Variants in SND1 observed in about 807,000 individuals in gnomAD.
SND1 encodes the protein staphylococcal nuclease domain-containing protein 1.
Under a neutral mutation model 121.7 loss-of-function variants are expected in SND1, and 38 were observed. The observed-to-expected ratio is 0.31, with a 90% confidence interval of 0.24 to 0.41. The LOEUF is 0.41. Among genes scored for constraint, SND1 ranks in the 10% least tolerant of loss-of-function variants. The probability of loss-of-function intolerance (pLI) is 1.00; values close to 1 mark genes in which losing one functional copy is unlikely to be tolerated. For missense variants in SND1, 868 were observed against 1,184.6 expected, an observed-to-expected ratio of 0.73 and a Z score of 3.92; for synonymous variants, 401 against 447.4, an observed-to-expected ratio of 0.90 and a Z score of 1.31.
At chr7:127,807,453 T>C (rs1376058083) in intron 10 of SND1, 31 bp from the exon 11 acceptor site, 1 of 1,551,320 alleles carries the variant, frequency 6.4e-7, no homozygotes. Context: ...ATATTGTTCA[T>C]TCCTGATGTC....
intron 11 of SND1, among the ~76,000 whole-genome samples, chr7:127,827,455 C>T (rs192061966): frequency 9.2e-5 from 14 of 152,262 alleles, no homozygotes; most frequent in Admixed American, 2.0e-4. Flanking sequence ...CAAAATACCC[C>T]TTTTCATAAT....
chr7:128,021,119 A>G (rs957654741), intron 16 of SND1, among the ~76,000 whole-genome samples: 3 of 152,226 alleles, frequency 2.0e-5, no homozygotes, highest in Non-Finnish European at 4.4e-5. Flanking sequence ...TTGGAAGAAT[A>G]TGCAGTCGTG....
intron 16 of SND1, among the ~76,000 whole-genome samples, chr7:128,035,204 C>G (rs1427013466): frequency 6.6e-6 from 1 of 152,172 alleles, no homozygotes; most frequent in African/African-American, 2.4e-5. Flanking sequence ...CTCTAAACAT[C>G]AGTTTTTCCA....
intron 12 of SND1, among the ~76,000 whole-genome samples, chr7:127,866,552 T>A (rs940941798): frequency 1.3e-5 from 2 of 152,182 alleles, no homozygotes; most frequent in African/African-American, 4.8e-5. Flanking sequence ...AGTTCTTTCC[T>A]TCTACTCTTG....
intron 16 of SND1, among the ~76,000 whole-genome samples, chr7:128,011,521 G>T (rs1225485367): frequency 6.6e-6 from 1 of 152,186 alleles, no homozygotes; most frequent in African/African-American, 2.4e-5. Flanking sequence ...GTGATCAGGG[G>T]CTAAAGGACA....
At chr7:127,890,206 A>G (rs1799984637) in intron 13 of SND1, among the ~76,000 whole-genome samples, 1 of 152,044 alleles carries the variant, frequency 6.6e-6, no homozygotes, top group Admixed American at 6.6e-5. Flanking sequence ...TGTCTTTTGG[A>G]TATAAGCCAT....
intron 12 of SND1, among the ~76,000 whole-genome samples, chr7:127,867,713 A>G (rs1444024906): frequency 6.6e-6 from 1 of 151,870 alleles, no homozygotes; most frequent in Non-Finnish European, 1.5e-5. Flanking sequence ...TAGCCTCTCT[A>G]TTTCTAGTCT....
At chr7:127,769,139 G>T (rs1158491923) in intron 10 of SND1, among the ~76,000 whole-genome samples, 1 of 152,238 alleles carries the variant, frequency 6.6e-6, no homozygotes, top group Non-Finnish European at 1.5e-5. Flanking sequence ...ACTGGGGATA[G>T]TGAGGTCTTG....
chr7:127,766,771 C>CAAAAAAAAAAAAAAAAAAAAAAAA (rs59243807), intron 10 of SND1, among the ~76,000 whole-genome samples: 1 of 33,202 alleles, frequency 3.0e-5, no homozygotes, highest in African/African-American at 8.8e-5. Flanking sequence ...GACTTTGTCT[C>CAAAAAAAAAAAAAAAAAAAAAAAA]AAAAAAAAAA....
At chr7:127,786,726 C>T (rs960203478) in intron 10 of SND1, among the ~76,000 whole-genome samples, 3 of 152,172 alleles carry the variant, frequency 2.0e-5, no homozygotes, top group African/African-American at 4.8e-5. Flanking sequence ...TCACTGCTAG[C>T]TCCGCCTCCC....
chr7:127,689,313 A>C (rs1302352390), intron 2 of SND1, among the ~76,000 whole-genome samples: 1 of 152,242 alleles, frequency 6.6e-6, no homozygotes, highest in Non-Finnish European at 1.5e-5. Context: ...GGGCATTAAC[A>C]AATGGGTGAA....
intron 16 of SND1, among the ~76,000 whole-genome samples, chr7:128,012,317 G>A (rs181366541): frequency 1.5e-4 from 23 of 152,230 alleles, no homozygotes; most frequent in Admixed American, 8.5e-4. Context: ...CACTGTAACC[G>A]CCCTGAGAGC....
intron 1 of SND1, among the ~76,000 whole-genome samples, chr7:127,672,930 G>A (rs139043371): frequency 6.6e-6 from 1 of 151,980 alleles, no homozygotes; most frequent in Non-Finnish European, 1.5e-5. Context: ...TATCAGTGAG[G>A]CACACCATGT....
rs1793674296 is a variant in SND1 at position 128,085,533 on chromosome 7, TTAG to T, written c.2235-177_2235-175del. ...TGCTCCCAGCTATGCTCTGATTCCA[TTAG>T]GTGGTGACCACAGTGGCCGAGGCTG... On this transcript the variant is annotated intron_variant, in intron 19 of 23. Transcript: ENST00000354725. The surrounding 1 kb of genome is among the most constrained non-coding windows in gnomAD (Gnocchi z 4.4). Among the ~76,000 whole-genome samples, 2 of 152,130 alleles carry T rather than the reference TTAG, an allele frequency of 1.3e-5. No homozygotes were observed. Among genetic ancestry groups the T allele is most frequent in the African/African-American group, 4.8e-5 (2 of 41,422 alleles).
intron 15 of SND1, among the ~76,000 whole-genome samples, chr7:127,956,713 G>A (rs983608736): frequency 1.3e-5 from 2 of 152,218 alleles, no homozygotes; most frequent in Non-Finnish European, 2.9e-5. Context: ...CCAGGCCTGA[G>A]TGCTATGGTT....
intron 15 of SND1, among the ~76,000 whole-genome samples, chr7:127,938,145 A>T (rs888436232): frequency 6.6e-6 from 1 of 152,160 alleles, no homozygotes; most frequent in Non-Finnish European, 1.5e-5. Flanking sequence ...ACTTTCCTGG[A>T]GCTGCTCTAG....
intron 10 of SND1, among the ~76,000 whole-genome samples, chr7:127,790,999 T>C (rs563260575): frequency 4.2e-4 from 64 of 152,338 alleles, no homozygotes; most frequent in Admixed American, 2.7e-3. Context: ...AGTAACTAAG[T>C]ATCTTTGCAG....
At chr7:128,014,610 T>C (rs577406895) in intron 16 of SND1, among the ~76,000 whole-genome samples, 1 of 152,278 alleles carries the variant, frequency 6.6e-6, no homozygotes, top group South Asian at 2.1e-4. Context: ...TATTGCGCAG[T>C]TGGTGGTGCA....
chr7:127,784,110 G>A (rs1411975534), intron 10 of SND1, among the ~76,000 whole-genome samples: 1 of 152,164 alleles, frequency 6.6e-6, no homozygotes, highest in Non-Finnish European at 1.5e-5. Context: ...TTAAACTTCT[G>A]GATATTATCT....
Sources: allele counts gnomAD v4.1 joint callset (sites outside exome capture counted in the v4.1 genomes callset), GRCh38; gene constraint gnomAD v4.1.1; non-coding constraint Gnocchi (gnomAD v3.1); transcripts MANE v1.5; gene names NCBI Gene and HGNC (gene_info 2026-07-23, HGNC 2026-07-21).